The following ACAD9 variants were observed in gnomAD, a reference collection of about 807,000 sequenced individuals.
ACAD9 encodes complex I assembly factor ACAD9, mitochondrial.
Under a neutral mutation model 70.2 loss-of-function variants are expected in ACAD9, and 53 were observed. The observed-to-expected ratio is 0.75, with a 90% confidence interval of 0.61 to 0.95. The LOEUF is 0.95. ACAD9 is among the 40% of genes least tolerant of loss of function. The probability of loss-of-function intolerance (pLI) is 0.00; values close to 1 mark genes in which losing one functional copy is unlikely to be tolerated. For synonymous variants in ACAD9, 313 were observed against 312.1 expected, an observed-to-expected ratio of 1.00 and a Z score of -0.03; for missense variants, 777 against 802.8, an observed-to-expected ratio of 0.97 and a Z score of 0.39.
intron 2 of ACAD9, among the ~76,000 whole-genome samples, chr3:128,889,941 C>A (rs758883817): frequency 1.5e-4 from 23 of 152,126 alleles, no homozygotes; most frequent in Non-Finnish European, 3.1e-4. Flanking sequence ...TCTGCCTCAG[C>A]CTCCCGCATA....
chr3:128,905,077 GGCGGAGGTTGCAGTGA>G (rs963604130), intron 11 of ACAD9, among the ~76,000 whole-genome samples: 3 of 152,126 alleles, frequency 2.0e-5, no homozygotes, highest in Non-Finnish European at 4.4e-5. Context: ...ACCCGGTGGG[GGCGGAGGTTGCAGTGA>G]GCCGAGGTTG....
intron 15 of ACAD9, 160 bp downstream of exon 15, chr3:128,909,581 C>A: frequency 1.3e-6 from 1 of 776,622 alleles, no homozygotes; most frequent in Non-Finnish European, 2.1e-6. Flanking sequence ...ACTTTGTCAG[C>A]CTGGGGCCCA....
intron 6 of ACAD9, 50 bp downstream of exon 6, chr3:128,897,760 C>G: frequency 6.5e-7 from 1 of 1,540,504 alleles, no homozygotes; most frequent in Non-Finnish European, 8.9e-7. Context: ...ACAACCTTCA[C>G]TGCCACTGAG....
Position 128,911,449 on chromosome 3 carries a change from T to C in ACAD9, c.1765+636T>C, listed in dbSNP as rs957139708. Among the ~76,000 whole-genome samples the C allele has an allele frequency of 2.0e-5, 3 of 152,072 alleles. No individual in the cohort carries two copies. The East Asian group carries it at 5.8e-4, about 29-fold the overall frequency. ...CATGCCTGGCTGTATTCTCTTTTTT[T>C]TGGAGACATAGTCTCACTTTGTCAC... is the stretch of plus-strand genomic sequence containing the variant. On this transcript the variant is annotated intron_variant, in intron 17 of 17. Transcript: ENST00000308982.
At chr3:128,890,680 C>G (rs141759595) in intron 2 of ACAD9, among the ~76,000 whole-genome samples, 3 of 151,738 alleles carry the variant, frequency 2.0e-5, no homozygotes, top group Non-Finnish European at 4.4e-5. Flanking sequence ...CCAGCCTGGG[C>G]GACAGAACAA....
Position 128,884,745 on chromosome 3 carries a change from G to A in ACAD9, c.243G>A (p.Glu81=), listed in dbSNP as rs772314192. The change falls in exon 2 of 18, where the codon GAG becomes GAA. Residue 81 remains glutamate (E), a splice_region_variant and synonymous_variant. Coordinates refer to ENST00000308982, the MANE Select transcript of ACAD9 (RefSeq NM_014049.5). The part of the protein sequence containing the change: ...LGPVEKFFTE[E]VDSRKIDQEG... ...CCGTGGAAAAATTCTTCACTGAAGA[G>A]GGTATGTATGGTTTTCTTTACCATT... The A allele has an allele frequency of 6.2e-6, 10 of 1,609,668 alleles. No homozygotes were observed. Among genetic ancestry groups the A allele is most frequent in the Non-Finnish European group, 7.7e-6 (9 of 1,176,422 alleles).
chr3:128,908,022 A>G (rs1935947135), intron 12 of ACAD9, among the ~76,000 whole-genome samples, 163 bp from the exon 13 acceptor site: 1 of 152,038 alleles, frequency 6.6e-6, no homozygotes, highest in Non-Finnish European at 1.5e-5. Flanking sequence ...ATCCCTGTGC[A>G]CTCCCTGAGC....
intron 2 of ACAD9, among the ~76,000 whole-genome samples, chr3:128,886,498 C>T (rs1249273882): frequency 5.9e-5 from 9 of 151,776 alleles, no homozygotes; most frequent in African/African-American, 2.2e-4. Context: ...CACCTGAGGT[C>T]GGGAGTTCGA....
chr3:128,901,212 C>T, intron 7 of ACAD9, 64 bp from the exon 8 acceptor site: 1 of 1,440,114 alleles, frequency 6.9e-7, no homozygotes, highest in Non-Finnish European at 9.6e-7. Flanking sequence ...GAATTGCCTG[C>T]TTGCAGGTCA....
At chr3:128,893,731 G>T in intron 3 of ACAD9, 75 bp downstream of exon 3, 1 of 1,286,696 alleles carries the variant, frequency 7.8e-7, no homozygotes, top group East Asian at 2.3e-5. Flanking sequence ...AACAGGTCTA[G>T]TTGCTGGAAT....
rs1266164496 is a variant in ACAD9 at position 128,896,441 on chromosome 3, C to T, written c.459C>T (p.Ile153=). ...AAHQAIGLKG[I]ILAGTEEQKA... Reference sequence around the variant, plus strand: ...TCTGTGTCTGTTTTGTTTAGGGGATCATCTTGGCTGGCACTGAGGAGCAGA... The same window carrying T: ...TCTGTGTCTGTTTTGTTTAGGGGATTATCTTGGCTGGCACTGAGGAGCAGA... Residue 153 remains isoleucine, a synonymous_variant, in exon 5 of 18, where the codon ATC becomes ATT. Coordinates refer to ENST00000308982, the MANE Select transcript of ACAD9 (RefSeq NM_014049.5). 2 of 1,614,174 alleles carry T rather than the reference C, an allele frequency of 1.2e-6. No individual in the cohort carries two copies. The highest frequency in any genetic ancestry group is 8.5e-7 in the Non-Finnish European group (1 of 1,179,992).
intron 8 of ACAD9, among the ~76,000 whole-genome samples, chr3:128,901,793 C>T (rs1246192530): frequency 6.6e-6 from 1 of 152,216 alleles, no homozygotes; most frequent in Non-Finnish European, 1.5e-5. Flanking sequence ...TTAGTATATT[C>T]ACTATGTTGT....
intron 6 of ACAD9, among the ~76,000 whole-genome samples, chr3:128,897,968 T>C (rs909149832): frequency 3.3e-5 from 5 of 152,052 alleles, no homozygotes; most frequent in Non-Finnish European, 7.4e-5. Context: ...ATGATTCTCC[T>C]GCCTTAGCCT....
intron 12 of ACAD9, among the ~76,000 whole-genome samples, chr3:128,906,925 T>G (rs1935909359): frequency 6.6e-6 from 1 of 152,086 alleles, no homozygotes; most frequent in Non-Finnish European, 1.5e-5. Flanking sequence ...CATTATTTGG[T>G]TGTATCTGTG....
At chr3:128,891,993 A>G (rs570157052) in intron 2 of ACAD9, among the ~76,000 whole-genome samples, 4 of 152,240 alleles carry the variant, frequency 2.6e-5, no homozygotes, top group Non-Finnish European at 5.9e-5. Flanking sequence ...TATACACGCA[A>G]CAACACGGGT....
At chr3:128,898,640 T>C (rs2107653196) in intron 6 of ACAD9, 1 of 294,544 alleles carries the variant, frequency 3.4e-6, no homozygotes, top group East Asian at 1.3e-4. Context: ...GCTCAAGTGG[T>C]CTGCCCACCT....
intron 2 of ACAD9, among the ~76,000 whole-genome samples, chr3:128,892,038 C>T (rs888719003): frequency 1.3e-4 from 20 of 151,948 alleles, no homozygotes; most frequent in African/African-American, 3.1e-4. Flanking sequence ...TAAAGAAGCC[C>T]GGGAAAATAG....
chr3:128,909,087 C>T lies in ACAD9; in HGVS notation c.1473C>T (p.His491=), dbSNP rs1936016804. 1.2e-6 allele frequency: 2 copies of T among 1,614,002 alleles called. No homozygotes were observed. The highest frequency in any genetic ancestry group is 1.7e-6 in the Non-Finnish European group (2 of 1,180,000). Reference sequence around the variant, plus strand: ...TGACAGGCAACCATGGAGTTGTGCACCCCAGTCTTGCGGTGAGTGGGCCTA... The same window carrying T: ...TGACAGGCAACCATGGAGTTGTGCATCCCAGTCTTGCGGTGAGTGGGCCTA... ...LGLTGNHGVV[H]PSLADSANKF... is the part of the protein sequence containing the mutation. Residue 491 remains histidine (H), a synonymous_variant, in exon 14 of 18, where the codon CAC becomes CAT. Transcript: ENST00000308982.
intron 15 of ACAD9, 112 bp from the exon 16 acceptor site, chr3:128,909,909 C>T: frequency 6.7e-7 from 1 of 1,481,804 alleles, no homozygotes; most frequent in South Asian, 1.2e-5. Context: ...ATTGACTCCA[C>T]TTTCTCAAGG....
Sources: allele counts gnomAD v4.1 joint callset (sites outside exome capture counted in the v4.1 genomes callset), GRCh38; gene constraint gnomAD v4.1.1; transcripts MANE v1.5; gene names NCBI Gene and HGNC (gene_info 2026-07-23, HGNC 2026-07-21).